Variants in AP3B1 observed in about 807,000 individuals in gnomAD.
The protein encoded by AP3B1 is adaptor related protein complex 3 subunit beta 1.
Under a neutral mutation model 132.5 loss-of-function variants are expected in AP3B1, and 61 were observed. The observed-to-expected ratio is 0.46, with a 90% CI of 0.37 to 0.57. The LOEUF is 0.57. Ranked by LOEUF, AP3B1 falls within the 20% of genes least tolerant of loss-of-function variation. The pLI is 0.00. For missense variants in AP3B1, 1,120 were observed against 1,289.4 expected (o/e 0.87, Z 2.01); for synonymous variants, 388 against 438.3 (o/e 0.89, Z 1.43).
At chr5:78,235,929 C>G (rs778721671) in intron 3 of AP3B1, among the ~76,000 whole-genome samples, 4 of 152,124 alleles carry the variant, frequency 2.6e-5, no homozygotes, top group Non-Finnish European at 4.4e-5. Context: ...GCAGCATGTA[C>G]TTGTAAAAAT....
At chr5:78,245,877 T>C (rs1233265727) in intron 2 of AP3B1, among the ~76,000 whole-genome samples, 2 of 152,174 alleles carry the variant, frequency 1.3e-5, no homozygotes. Flanking sequence ...TCCTGATATT[T>C]GAAAAAGCTG....
At chr5:78,038,986 A>C (rs1747930673) in intron 23 of AP3B1, 57 bp downstream of exon 23, 1 of 1,065,584 alleles carries the variant, frequency 9.4e-7, no homozygotes, top group Admixed American at 2.2e-5. Flanking sequence ...TACTTTTAAA[A>C]TGAACATATT....
intron 21 of AP3B1, among the ~76,000 whole-genome samples, chr5:78,100,391 A>G (rs1751079265): frequency 6.6e-6 from 1 of 152,220 alleles, no homozygotes; most frequent in African/African-American, 2.4e-5. Flanking sequence ...GTAAATACAT[A>G]TATCTTTGTA....
At chr5:78,098,127 G>T (rs60589575) in intron 21 of AP3B1, among the ~76,000 whole-genome samples, 2 of 147,736 alleles carry the variant, frequency 1.4e-5, no homozygotes, top group Non-Finnish European at 3.0e-5. Flanking sequence ...TCAAGTACCC[G>T]GGGACACAAA....
At position 78,197,449 on chromosome 5, in the gene AP3B1, T is replaced by C. The variant is rs545934604; in HGVS notation, c.787-15787A>G. Among the ~76,000 whole-genome samples, 11 of 152,320 alleles carry C rather than the reference T, an allele frequency of 7.2e-5. No individual in the cohort carries two copies. In the South Asian group the frequency reaches 2.3e-3, roughly 32 times the overall value. ...TGGTTTATATACTCTTAAGGTACTA[T>C]TCCACAGGCTCATGGAATAAAGAAA... On this transcript the variant is annotated intron_variant, in intron 7 of 26. Coordinates refer to ENST00000255194, the MANE Select transcript of AP3B1 (RefSeq NM_003664.5).
chr5:78,116,920 C>A (rs1453015886), intron 17 of AP3B1, among the ~76,000 whole-genome samples: 2 of 152,130 alleles, frequency 1.3e-5, no homozygotes, highest in African/African-American at 4.8e-5. Flanking sequence ...TGAAACCCTG[C>A]AGTGGCTCCC....
intron 22 of AP3B1, among the ~76,000 whole-genome samples, chr5:78,063,833 A>G (rs1023816770): frequency 4.6e-5 from 7 of 152,208 alleles, no homozygotes; most frequent in African/African-American, 1.7e-4. Flanking sequence ...TAAAAAATAA[A>G]CAGGATCTGC....
At chr5:78,205,055 G>C (rs1259768329) in intron 7 of AP3B1, among the ~76,000 whole-genome samples, 9 of 152,056 alleles carry the variant, frequency 5.9e-5, no homozygotes. Flanking sequence ...ATATGGATTA[G>C]AAACAACTTA....
rs878964191 is a variant in AP3B1, at chr5:78,294,473, A to G, written c.107T>C (p.Leu36Pro). Residue 36 changes from leucine (L) to proline (P), a missense_variant, in exon 1 of 27, where the codon CTC becomes CCC. By Grantham distance (98) the Leu-to-Pro change is moderately conservative (BLOSUM62 -3). This residue lies in a region of AP3B1 where 85 missense variants were observed against 79.9 expected (regional missense o/e 1.06). Coordinates refer to ENST00000255194, the MANE Select transcript of AP3B1 (RefSeq NM_003664.5). ...STISPSGAFG[L>P]FSSDLKKNED... is the part of the protein sequence containing the mutation. ...TCACTTCTTCAAATCGCTGCTAAAG[A>G]GGCCGAAGGCCCCCGAGGGGGAAAT... is the stretch of plus-strand genomic sequence containing the variant. 1.2e-6 allele frequency: 2 copies of G among 1,614,138 alleles called. No individual in the cohort carries two copies. The highest frequency in any genetic ancestry group is 2.7e-5 in the African/African-American group (2 of 74,958).
At chr5:78,277,872 T>A (rs1004881874) in intron 1 of AP3B1, among the ~76,000 whole-genome samples, 3 of 152,264 alleles carry the variant, frequency 2.0e-5, no homozygotes, top group Non-Finnish European at 4.4e-5. Context: ...CATGTCTTCA[T>A]ATCATTCATA....
At chr5:78,211,558 G>A (rs1400138291) in intron 7 of AP3B1, among the ~76,000 whole-genome samples, 2 of 152,078 alleles carry the variant, frequency 1.3e-5, no homozygotes, top group Admixed American at 6.5e-5. Context: ...ACGAATTTTC[G>A]ATTCCTCAAC....
chr5:78,091,118 A>T (rs1179923014), intron 21 of AP3B1, among the ~76,000 whole-genome samples: 2 of 151,890 alleles, frequency 1.3e-5, no homozygotes, highest in Admixed American at 1.3e-4. Context: ...TCTTTTTCTC[A>T]TTTCAGTCTC....
At chr5:78,218,265 T>C (rs1404469757) in intron 6 of AP3B1, among the ~76,000 whole-genome samples, 7 of 152,092 alleles carry the variant, frequency 4.6e-5, no homozygotes, top group African/African-American at 1.7e-4. Flanking sequence ...AATGATCTAC[T>C]CAGATTTTAA....
At chr5:78,046,556 A>G (rs1748338645) in intron 22 of AP3B1, among the ~76,000 whole-genome samples, 1 of 152,156 alleles carries the variant, frequency 6.6e-6, no homozygotes, top group African/African-American at 2.4e-5. Flanking sequence ...TTCCACAGCA[A>G]ACAGCCTTTG....
At chr5:78,004,036 A>G (rs758933898) in intron 26 of AP3B1, among the ~76,000 whole-genome samples, 6 of 152,164 alleles carry the variant, frequency 3.9e-5, no homozygotes, top group Non-Finnish European at 8.8e-5. Context: ...GTTGCTGCAC[A>G]TGAGCTTTTG....
intron 15 of AP3B1, among the ~76,000 whole-genome samples, chr5:78,131,994 A>G (rs558325001): frequency 1.3e-5 from 2 of 152,322 alleles, no homozygotes; most frequent in Non-Finnish European, 2.9e-5. Context: ...TTTACAAAGC[A>G]GTTCTTCACA....
intron 2 of AP3B1, among the ~76,000 whole-genome samples, chr5:78,242,431 G>T (rs1373199196): frequency 6.6e-6 from 1 of 151,672 alleles, no homozygotes; most frequent in Non-Finnish European, 1.5e-5. Context: ...TTTTAAGACA[G>T]TATCTCACTC....
intron 2 of AP3B1, among the ~76,000 whole-genome samples, chr5:78,247,769 A>C (rs1200419074): frequency 6.6e-6 from 1 of 152,036 alleles, no homozygotes; most frequent in African/African-American, 2.4e-5. Context: ...GTATCTTCAC[A>C]TTTTCATCCA....
At chr5:78,126,104 C>A (rs997183347) in intron 17 of AP3B1, among the ~76,000 whole-genome samples, 2 of 150,170 alleles carry the variant, frequency 1.3e-5, no homozygotes, top group Non-Finnish European at 3.0e-5. Context: ...AAAAAACGAA[C>A]CATAAAAACA....
Sources: gnomAD v4.1 joint callset for allele counts (sites outside exome capture counted in the v4.1 genomes callset) on GRCh38, gnomAD v4.1.1 for gene constraint, gnomAD v4.1.1 regional missense constraint, MANE v1.5 for transcripts, NCBI Gene and HGNC (gene_info 2026-07-23, HGNC 2026-07-21) for gene names.